CLASP1: variants seen among roughly 807,000 people sequenced by gnomAD.
The protein encoded by CLASP1 is CLIP-associating protein 1.
In CLASP1, 38 loss-of-function variants were observed where a neutral mutation model predicts 192.3. That is an observed-to-expected ratio of 0.20 (90% CI 0.15 to 0.26). The LOEUF is 0.26. CLASP1 is among the 10% of genes least tolerant of loss of function. The probability of loss-of-function intolerance (pLI) is 1.00; values close to 1 mark genes in which losing one functional copy is unlikely to be tolerated. For synonymous variants in CLASP1, 691 were observed against 712.8 expected (o/e 0.97, Z 0.49); for missense variants, 1,433 against 1,932.5 (o/e 0.74, Z 4.85).
intron 2 of CLASP1, among the ~76,000 whole-genome samples, chr2:121,537,706 A>G (rs2095127427): frequency 6.6e-6 from 1 of 152,222 alleles, no homozygotes; most frequent in Admixed American, 6.5e-5. Context: ...TTCTCATACA[A>G]AAACTAAAAG....
chr2:121,592,372 A>G (rs1468135613), intron 2 of CLASP1, among the ~76,000 whole-genome samples: 1 of 152,202 alleles, frequency 6.6e-6, no homozygotes, highest in African/African-American at 2.4e-5. Context: ...TATGTTCACA[A>G]AATTATTAGG....
chr2:121,522,335 G>T (rs749557718), intron 6 of CLASP1, among the ~76,000 whole-genome samples: 71 of 152,092 alleles, frequency 4.7e-4, no homozygotes, highest in South Asian at 1.0e-3. Context: ...CAAATAATAA[G>T]AAGTTTCTCA....
chr2:121,599,794 C>T (rs1289376798), intron 2 of CLASP1, among the ~76,000 whole-genome samples: 2 of 151,246 alleles, frequency 1.3e-5, no homozygotes, highest in African/African-American at 4.9e-5. Flanking sequence ...GTGGCACGCA[C>T]CTGTAATCCC....
At chr2:121,411,716 A>G (rs953188185) in intron 23 of CLASP1, among the ~76,000 whole-genome samples, 1 of 152,172 alleles carries the variant, frequency 6.6e-6, no homozygotes, top group Non-Finnish European at 1.5e-5. Context: ...CAAGTATTTT[A>G]AGCTTACTTG....
chr2:121,645,269 CAG>C (rs2072973595), intron 1 of CLASP1, among the ~76,000 whole-genome samples: 1 of 152,194 alleles, frequency 6.6e-6, no homozygotes, highest in South Asian at 2.1e-4. Flanking sequence ...GAAGAAGAAA[CAG>C]ACTTAATTCA....
chr2:121,417,482 T>C (rs1297791658), intron 23 of CLASP1, among the ~76,000 whole-genome samples: 2 of 151,492 alleles, frequency 1.3e-5, no homozygotes, highest in African/African-American at 4.9e-5. Flanking sequence ...TTGCCACCTC[T>C]GATTATTGAG....
Position 121,478,887 on chromosome 2 carries a change from CCACACA to C in CLASP1, c.713-8933_713-8928del, listed in dbSNP as rs772034863. On this transcript the variant is annotated intron_variant, in intron 8 of 39. Transcript: ENST00000263710. ...ACACACACACCACACCACACACACA[CCACACA>C]CACACACCACACCACACACACCACA... is the stretch of plus-strand genomic sequence containing the variant. Among the ~76,000 whole-genome samples the C allele has an allele frequency of 3.3e-4, 22 of 65,914 alleles. 1 individual carries two copies. Among genetic ancestry groups the C allele is most frequent in the Non-Finnish European group, 5.8e-4 (21 of 35,974 alleles). 43.2% of individuals were successfully genotyped at this position (65,914 alleles called of 152,430 possible).
In CLASP1 at chr2:121,340,819, C is replaced by A. The variant is rs765030760; in HGVS notation, c.*42G>T. The A allele has an allele frequency of 5.4e-6, 8 of 1,485,762 alleles. No homozygotes were observed. In the Admixed American group the frequency reaches 1.5e-4, roughly 27 times the overall value. The allele number at this position is 1,485,762 out of a possible 1,614,324, so 92.0% of individuals were successfully genotyped here. A position where few individuals can be genotyped will look rare whatever the true frequency, so the allele number is the denominator to read the frequency against. ...GTGGGGAAAGGTCTCTGAGAGGCAC[C>A]ACCGATTGCTTCTAGGTCTACACAA... On this transcript the variant is annotated 3_prime_UTR_variant, in exon 40 of 40. Coordinates refer to ENST00000263710, the Ensembl canonical transcript of CLASP1.
intron 2 of CLASP1, among the ~76,000 whole-genome samples, chr2:121,563,014 C>T (rs2059220734): frequency 1.3e-5 from 2 of 152,152 alleles, no homozygotes; most frequent in Admixed American, 6.5e-5. Context: ...GGCTGAGGCT[C>T]CTGGGGTTGG....
chr2:121,471,706 C>G (rs1430351747), intron 8 of CLASP1, among the ~76,000 whole-genome samples: 1 of 152,114 alleles, frequency 6.6e-6, no homozygotes, highest in African/African-American at 2.4e-5. Flanking sequence ...CTTCACAAAT[C>G]CATGTCCTTA....
chr2:121,351,047 G>A (rs1011566438), intron 37 of CLASP1, among the ~76,000 whole-genome samples: 1 of 152,180 alleles, frequency 6.6e-6, no homozygotes, highest in Non-Finnish European at 1.5e-5. Context: ...CAGGGTGGAA[G>A]GTGGCAGGGC....
intron 2 of CLASP1, among the ~76,000 whole-genome samples, chr2:121,560,935 T>C (rs1333694725): frequency 6.6e-6 from 1 of 152,166 alleles, no homozygotes; most frequent in Non-Finnish European, 1.5e-5. Context: ...TTTTTTGTGT[T>C]TTGAGACGGA....
intron 1 of CLASP1, among the ~76,000 whole-genome samples, chr2:121,608,830 C>T (rs917571680): frequency 4.6e-5 from 7 of 151,946 alleles, no homozygotes; most frequent in South Asian, 4.1e-4. Flanking sequence ...AATTTCATAG[C>T]GTTTACTCCT....
chr2:121,551,168 C>T (rs772640760), intron 2 of CLASP1, among the ~76,000 whole-genome samples: 2 of 151,858 alleles, frequency 1.3e-5, no homozygotes, highest in African/African-American at 2.4e-5. Flanking sequence ...AAGTTAAACA[C>T]CCCTTCATGT....
chr2:121,605,508 G>A (rs907701614), intron 2 of CLASP1, among the ~76,000 whole-genome samples, 193 bp downstream of exon 2: 1 of 152,154 alleles, frequency 6.6e-6, no homozygotes, highest in African/African-American at 2.4e-5. Flanking sequence ...AGAATTTTTT[G>A]ATCTGCAATG....
At chr2:121,357,992 T>C (rs2149202954) in intron 37 of CLASP1, among the ~76,000 whole-genome samples, 1 of 152,302 alleles carries the variant, frequency 6.6e-6, no homozygotes, top group South Asian at 2.1e-4. Flanking sequence ...GTATTTCACT[T>C]TGAACCACAC....
intron 9 of CLASP1, 97 bp downstream of exon 9, chr2:121,469,711 T>C (rs2090323562): frequency 1.7e-6 from 2 of 1,210,610 alleles, no homozygotes; most frequent in Non-Finnish European, 2.2e-6. Context: ...ATGGGGACTG[T>C]ATCACTTCTG....
intron 19 of CLASP1, among the ~76,000 whole-genome samples, chr2:121,434,926 A>G (rs1261549723): frequency 6.6e-6 from 1 of 151,842 alleles, no homozygotes; most frequent in East Asian, 1.9e-4. Flanking sequence ...ATCAATTACA[A>G]ATTTTTTTTT....
chr2:121,479,002 A>C (rs1575288644), intron 8 of CLASP1, among the ~76,000 whole-genome samples: 12 of 61,506 alleles, frequency 2.0e-4, no homozygotes, highest in Non-Finnish European at 3.0e-4. Context: ...CCACACACAC[A>C]CCACACACAC....
Sources: gnomAD v4.1 joint callset for allele counts (sites outside exome capture counted in the v4.1 genomes callset) on GRCh38, gnomAD v4.1.1 for gene constraint, MANE v1.5 for transcripts, NCBI Gene and HGNC (gene_info 2026-07-23, HGNC 2026-07-21) for gene names.